The following ANKRD10 variants were observed in gnomAD, a reference collection of about 807,000 sequenced individuals.
ANKRD10 encodes the protein ankyrin repeat domain-containing protein 10.
A neutral mutation model predicts 27.0 loss-of-function variants in ANKRD10; 14 were observed. The ratio of observed to expected loss-of-function variants is 0.52; its 90% CI spans 0.34 to 0.81. The LOEUF (loss-of-function observed/expected upper bound fraction) is 0.81. Ranked by LOEUF, ANKRD10 falls within the 40% of genes least tolerant of loss-of-function variation. The pLI, the probability that ANKRD10 is intolerant of heterozygous loss-of-function variation, is 0.01. For missense variants in ANKRD10, 493 were observed against 544.0 expected (o/e 0.91, Z 0.93); for synonymous variants, 250 against 224.5 (o/e 1.11, Z -1.01).
intron 4 of ANKRD10, among the ~76,000 whole-genome samples, chr13:110,892,415 G>GAAAAAAAAAAAAAAAAAAAAA (rs1381734881): frequency 3.1e-3 from 8 of 2,580 alleles, no homozygotes; most frequent in Non-Finnish European, 2.3e-3. Flanking sequence ...GGGTGACAGA[G>GAAAAAAAAAAAAAAAAAAAAA]CAAAAAAAAA....
At chr13:110,883,462 T>C (rs2064855592) in intron 5 of ANKRD10, 1 of 1,227,334 alleles carries the variant, frequency 8.1e-7, no homozygotes, top group South Asian at 2.9e-5. Context: ...GCCCAAGATA[T>C]GCAAATTATA....
intron 3 of ANKRD10, among the ~76,000 whole-genome samples, chr13:110,897,145 GAGAC>G (rs1282457642): frequency 2.6e-5 from 4 of 151,916 alleles, no homozygotes; most frequent in African/African-American, 7.3e-5. Flanking sequence ...GTTTTTTAAA[GAGAC>G]AGAGTATCTC....
intron 3 of ANKRD10, among the ~76,000 whole-genome samples, chr13:110,902,915 C>G (rs933261095): frequency 2.6e-5 from 4 of 152,290 alleles, no homozygotes; most frequent in Middle Eastern, 3.4e-3. Context: ...AAACACAAAT[C>G]AGCCAAAAGT....
chr13:110,892,730 TCAAA>T, intron 4 of ANKRD10: 1 of 1,052,170 alleles, frequency 9.5e-7, no homozygotes, highest in Non-Finnish European at 1.1e-6. Context: ...TAGATATATT[TCAAA>T]CAGATACAAC....
intron 3 of ANKRD10, chr13:110,905,311 T>C (rs566722888): frequency 6.6e-6 from 1 of 152,304 alleles, no homozygotes; most frequent in South Asian, 2.1e-4. Flanking sequence ...AAAATAAATG[T>C]ATAATGCCAT....
Position 110,879,889 on chromosome 13 carries a change from G to C in ANKRD10, c.1011C>G (p.Thr337=), listed in dbSNP as rs1047586427. ...CGCACAACTCAGGGTTAGCTCTCAG[G>C]GTCTTCTCTGGCTCCTCAGTCCCAC... The part of the protein sequence containing the change: ...CISGTEEPEK[T]LRANPELCGS... Residue 337 remains threonine, a synonymous_variant, in exon 6 of 6, where the codon ACC becomes ACG. Coordinates refer to ENST00000267339, the MANE Select transcript of ANKRD10 (RefSeq NM_017664.4). The C allele has an allele frequency of 1.2e-6, 2 of 1,614,050 alleles. No homozygotes were observed. Among genetic ancestry groups the C allele is most frequent in the Non-Finnish European group, 8.5e-7 (1 of 1,180,050 alleles).
intron 3 of ANKRD10, chr13:110,900,703 C>T: frequency 7.4e-7 from 1 of 1,347,604 alleles, no homozygotes. Flanking sequence ...AGCTGTAAAA[C>T]ATTGACATGT....
At chr13:110,895,017 G>T (rs1454979910) in intron 3 of ANKRD10, 1 of 152,044 alleles carries the variant, frequency 6.6e-6, no homozygotes, top group Non-Finnish European at 1.5e-5. Flanking sequence ...CAGATGACCT[G>T]GGAGGGTCTA....
chr13:110,891,249 T>A (rs2065065253), intron 4 of ANKRD10, among the ~76,000 whole-genome samples: 1 of 152,190 alleles, frequency 6.6e-6, no homozygotes, highest in African/African-American at 2.4e-5. Flanking sequence ...CAGGCTTTAA[T>A]TAAAGGAAAT....
intron 4 of ANKRD10, among the ~76,000 whole-genome samples, chr13:110,891,222 C>T (rs2065064527): frequency 6.6e-6 from 1 of 152,082 alleles, no homozygotes; most frequent in Non-Finnish European, 1.5e-5. Context: ...GGCATGAGGC[C>T]ACTCTACAAT....
Position 110,879,828 on chromosome 13 carries a change from T to C in ANKRD10, c.1072A>G (p.Ile358Val), listed in dbSNP as rs779593754. The change falls in exon 6 of 6, where the codon ATA becomes GTA. Residue 358 changes from isoleucine to valine, a missense_variant. Transcript: ENST00000267339. ...LHLNGSPSSC[I>V]ASRPSWVEDI... ...TCCACCCAGGAAGGCCTACTGGCTA[T>C]GCAGCTACTTGGACTCCCGTTCAGG... 1 of 1,614,282 alleles carries C rather than the reference T, an allele frequency of 6.2e-7. No individual in the cohort carries two copies. Among genetic ancestry groups the C allele is most frequent in the Non-Finnish European group, 8.5e-7 (1 of 1,180,056 alleles).
chr13:110,882,550 A>AAT (rs1390937222), intron 5 of ANKRD10, among the ~76,000 whole-genome samples: 5 of 152,194 alleles, frequency 3.3e-5, no homozygotes, highest in Non-Finnish European at 7.3e-5. Context: ...ATGTCTGAGG[A>AAT]ATAAAAGGTG....
chr13:110,880,406 C>G (rs763287694), intron 5 of ANKRD10, among the ~76,000 whole-genome samples: 24 of 152,232 alleles, frequency 1.6e-4, no homozygotes, highest in Middle Eastern at 6.8e-3. Context: ...CAACACAGTC[C>G]TGAAAAGCCA....
At chr13:110,886,173 C>T (rs575546201) in intron 4 of ANKRD10, among the ~76,000 whole-genome samples, 1 of 152,326 alleles carries the variant, frequency 6.6e-6, no homozygotes, top group East Asian at 1.9e-4. Flanking sequence ...CCGGAAGAGC[C>T]GCGTTAAGGG....
chr13:110,890,326 C>T (rs934365379), intron 4 of ANKRD10, among the ~76,000 whole-genome samples: 3 of 152,058 alleles, frequency 2.0e-5, no homozygotes, highest in Admixed American at 6.5e-5. Flanking sequence ...TCCCAATACC[C>T]GACATCAGCA....
chr13:110,896,767 CTGAAAT>C (rs1003586746), intron 3 of ANKRD10, among the ~76,000 whole-genome samples: 1 of 152,168 alleles, frequency 6.6e-6, no homozygotes, highest in African/African-American at 2.4e-5. Flanking sequence ...AACACTGAAA[CTGAAAT>C]TTCATCTAAT....
At chr13:110,914,376 C>CCGCG (rs569966191) in intron 1 of ANKRD10, 96 of 179,924 alleles carry the variant, frequency 5.3e-4, no homozygotes, top group South Asian at 1.4e-3. Context: ...CCCGCACCAT[C>CCGCG]CGCGCGCGCG....
intron 2 of ANKRD10, among the ~76,000 whole-genome samples, chr13:110,909,648 C>A (rs555879426): frequency 6.6e-6 from 1 of 152,318 alleles, no homozygotes; most frequent in Non-Finnish European, 1.5e-5. Flanking sequence ...TAACTTACCC[C>A]ACTTTCCCAT....
At chr13:110,883,498 G>T in intron 5 of ANKRD10, 200 bp downstream of exon 5, 1 of 1,320,858 alleles carries the variant, frequency 7.6e-7, no homozygotes, top group South Asian at 2.3e-5. Flanking sequence ...AAAGACACTG[G>T]ACAACAAAGT....
Sources: allele counts gnomAD v4.1 joint callset (sites outside exome capture counted in the v4.1 genomes callset), GRCh38; gene constraint gnomAD v4.1.1; transcripts MANE v1.5; gene names NCBI Gene and HGNC (gene_info 2026-07-23, HGNC 2026-07-21).